Variants in COX7B2 observed in about 807,000 individuals in gnomAD.
COX7B2 encodes the protein cytochrome c oxidase subunit 7B2, mitochondrial.
For synonymous variants in COX7B2, 37 were observed against 32.1 expected, an observed-to-expected ratio of 1.15 and a Z score of -0.51; for missense variants, 109 against 95.9, an observed-to-expected ratio of 1.14 and a Z score of -0.57.
intron 2 of COX7B2, among the ~76,000 whole-genome samples, chr4:46,786,636 T>G (rs1355602889): frequency 6.6e-6 from 1 of 152,192 alleles, no homozygotes; most frequent in Non-Finnish European, 1.5e-5. Context: ...TAATCTAGCT[T>G]TGCAATTCTT....
At chr4:46,770,676 G>A (rs556898632) in intron 2 of COX7B2, among the ~76,000 whole-genome samples, 57 of 150,896 alleles carry the variant, frequency 3.8e-4, no homozygotes, top group African/African-American at 1.3e-3. Context: ...AAAAACACAC[G>A]TTTATGGTCA....
At position 46,741,301 on chromosome 4, in the gene COX7B2, T is replaced by C. The variant is rs149246267; in HGVS notation, c.-49-6060A>G. On this transcript the variant is annotated intron_variant, in intron 2 of 2. Transcript: ENST00000355591. ...TCTGGATACAACTGATATTTTGGTATGAATAATTCTTTGTTGGAGAGGGGA... is the reference window on the plus strand; with the variant it reads ...TCTGGATACAACTGATATTTTGGTACGAATAATTCTTTGTTGGAGAGGGGA... Among the ~76,000 whole-genome samples, 719 of 152,232 alleles carry C rather than the reference T, an allele frequency of 4.7e-3. 3 individuals are homozygous for C. The highest frequency in any genetic ancestry group is 0.03 in the South Asian group (145 of 4,818).
At chr4:46,784,063 T>C (rs1186874921) in intron 2 of COX7B2, among the ~76,000 whole-genome samples, 4 of 152,168 alleles carry the variant, frequency 2.6e-5, no homozygotes, top group African/African-American at 9.7e-5. Context: ...TTACATGTAC[T>C]TCCAAATCAT....
At chr4:46,745,940 C>T (rs1217267321) in intron 2 of COX7B2, among the ~76,000 whole-genome samples, 1 of 152,042 alleles carries the variant, frequency 6.6e-6, no homozygotes, top group Non-Finnish European at 1.5e-5. Context: ...TCTAAAAGGG[C>T]ACCCCTAAAC....
intron 1 of COX7B2, among the ~76,000 whole-genome samples, chr4:46,847,174 G>A (rs976000545): frequency 3.9e-5 from 6 of 151,964 alleles, no homozygotes; most frequent in East Asian, 1.9e-4. Context: ...TCACCTTCTC[G>A]TGTTCACATC....
At chr4:46,837,947 C>T (rs745884668) in intron 2 of COX7B2, among the ~76,000 whole-genome samples, 2 of 151,606 alleles carry the variant, frequency 1.3e-5, no homozygotes, top group Non-Finnish European at 2.9e-5. Flanking sequence ...TCGAAATAAC[C>T]GAAATTATTG....
intron 1 of COX7B2, among the ~76,000 whole-genome samples, chr4:46,884,261 G>C (rs184808173): frequency 1.3e-5 from 2 of 152,142 alleles, no homozygotes; most frequent in Non-Finnish European, 2.9e-5. Context: ...CACCACCATA[G>C]CTCCCTGCAG....
intron 1 of COX7B2, among the ~76,000 whole-genome samples, chr4:46,869,926 C>G (rs1717881678): frequency 6.6e-6 from 1 of 152,100 alleles, no homozygotes; most frequent in Non-Finnish European, 1.5e-5. Context: ...GCCTCTCTAG[C>G]AAGGTTGGGG....
intron 2 of COX7B2, among the ~76,000 whole-genome samples, chr4:46,813,124 G>T (rs1379456197): frequency 6.6e-6 from 1 of 152,186 alleles, no homozygotes; most frequent in African/African-American, 2.4e-5. Context: ...GGGGATAAAA[G>T]AATAGCTTTG....
intron 1 of COX7B2, among the ~76,000 whole-genome samples, chr4:46,881,180 A>G (rs1347419568): frequency 6.6e-6 from 1 of 152,170 alleles, no homozygotes; most frequent in Non-Finnish European, 1.5e-5. Context: ...ACAGAGCCTC[A>G]GGAAGACCTG....
At chr4:46,845,167 T>C (rs912042318) in intron 1 of COX7B2, among the ~76,000 whole-genome samples, 153 bp from the exon 2 acceptor site, 3 of 151,986 alleles carry the variant, frequency 2.0e-5, no homozygotes, top group Admixed American at 2.0e-4. Flanking sequence ...TTAAAATAAT[T>C]TTTAAGAAAC....
chr4:46,751,941 C>A (rs1364298285), intron 2 of COX7B2, among the ~76,000 whole-genome samples: 1 of 151,976 alleles, frequency 6.6e-6, no homozygotes, highest in Non-Finnish European at 1.5e-5. Context: ...GTAGTTTTTT[C>A]CAACTCTGTG....
At chr4:46,870,536 T>C (rs1405835093) in intron 1 of COX7B2, among the ~76,000 whole-genome samples, 1 of 152,050 alleles carries the variant, frequency 6.6e-6, no homozygotes, top group Admixed American at 6.6e-5. Context: ...AGAGAGGAAG[T>C]CAAACTATCT....
intron 2 of COX7B2, among the ~76,000 whole-genome samples, chr4:46,756,154 G>A (rs1049363508): frequency 2.0e-5 from 3 of 151,850 alleles, no homozygotes; most frequent in East Asian, 3.9e-4. Context: ...CAGAAATAAA[G>A]CCACTTGTCT....
At chr4:46,877,401 T>G (rs1331510028) in intron 1 of COX7B2, among the ~76,000 whole-genome samples, 2 of 152,232 alleles carry the variant, frequency 1.3e-5, no homozygotes, top group Non-Finnish European at 2.9e-5. Flanking sequence ...CTTTCACTGC[T>G]GGTTAATCTT....
At chr4:46,893,352 T>C (rs750647327) in intron 1 of COX7B2, among the ~76,000 whole-genome samples, 1 of 152,218 alleles carries the variant, frequency 6.6e-6, no homozygotes, top group South Asian at 2.1e-4. Context: ...CCTCCACGGA[T>C]AAGTTATACC....
chr4:46,750,989 A>G (rs755126788), intron 2 of COX7B2, among the ~76,000 whole-genome samples: 16 of 152,190 alleles, frequency 1.1e-4, no homozygotes, highest in Non-Finnish European at 1.8e-4. Context: ...TGGGGAGGAC[A>G]CAAACAGTCC....
intron 2 of COX7B2, among the ~76,000 whole-genome samples, chr4:46,828,835 T>C (rs1252342677): frequency 6.6e-6 from 1 of 152,154 alleles, no homozygotes; most frequent in Non-Finnish European, 1.5e-5. Context: ...TCAGTGAATA[T>C]GAGAAATCAT....
chr4:46,909,001 G>A (rs935817152), intron 1 of COX7B2, among the ~76,000 whole-genome samples, 159 bp downstream of exon 1: 5 of 151,308 alleles, frequency 3.3e-5, no homozygotes, highest in Non-Finnish European at 5.9e-5. Context: ...CCGAGATGGC[G>A]TCACTGCACT....
Sources: gnomAD v4.1 joint callset for allele counts (sites outside exome capture counted in the v4.1 genomes callset) on GRCh38, gnomAD v4.1.1 for gene constraint, MANE v1.5 for transcripts, NCBI Gene and HGNC (gene_info 2026-07-23, HGNC 2026-07-21) for gene names.